Variants in ANK2 observed in about 807,000 individuals in gnomAD.
ANK2 encodes ankyrin 2.
Under a neutral mutation model 360.5 loss-of-function variants are expected in ANK2, and 83 were observed. The ratio of observed to expected loss-of-function variants is 0.23; its 90% CI spans 0.19 to 0.28. The LOEUF (loss-of-function observed/expected upper bound fraction) is 0.28, where lower values mean the gene tolerates loss of function less well. Among genes scored for constraint, ANK2 ranks in the 10% least tolerant of loss-of-function variants. ANK2 has a pLI of 1.00. For synonymous variants in ANK2, 1,740 were observed against 1,759.5 expected (o/e 0.99, Z 0.28); for missense variants, 4,201 against 4,795.7 (o/e 0.88, Z 3.66).
chr4:112,866,577 A>G (rs778814123), intron 1 of ANK2, among the ~76,000 whole-genome samples: 17 of 152,214 alleles, frequency 1.1e-4, no homozygotes, highest in Non-Finnish European at 1.8e-4. Context: ...CAAACCACAA[A>G]TAAGCAAAAT....
chr4:112,895,795 A>G (rs964610341), intron 1 of ANK2, among the ~76,000 whole-genome samples: 5 of 152,256 alleles, frequency 3.3e-5, no homozygotes, highest in Non-Finnish European at 7.3e-5. Flanking sequence ...CTGAGTATTT[A>G]TAAATTCCAA....
chr4:113,350,197 A>T (rs568397130), intron 36 of ANK2, 31 bp from the exon 37 acceptor site: 1 of 1,600,294 alleles, frequency 6.2e-7, no homozygotes, highest in African/African-American at 1.3e-5. Flanking sequence ...CAGTATTTGT[A>T]ACCATTCAAT....
In ANK2 at chr4:113,015,144, C is replaced by G. The variant is rs28414363; in HGVS notation, c.21+110630C>G. On this transcript the variant is annotated intron_variant, in intron 2 of 30. Transcript: ENST00000503271. ...AAGTGCTGGGATTACAGGCGTGAGCCACCGCGCCCGGCCAGAGCTTTTTAT... is the reference window on the plus strand; with the variant it reads ...AAGTGCTGGGATTACAGGCGTGAGCGACCGCGCCCGGCCAGAGCTTTTTAT... Among the ~76,000 whole-genome samples the G allele has an allele frequency of 9.1e-3, 1,392 of 152,250 alleles. 24 individuals carry two copies. Among genetic ancestry groups the G allele is most frequent in the African/African-American group, 0.032 (1,318 of 41,538 alleles).
chr4:113,166,588 A>G (rs1232720022), intron 1 of ANK2, among the ~76,000 whole-genome samples: 4 of 151,794 alleles, frequency 2.6e-5, no homozygotes, highest in Non-Finnish European at 5.9e-5. Flanking sequence ...TTTTGTTCCT[A>G]CTAGTTTTTG....
chr4:112,994,580 G>C (rs2047914178), intron 2 of ANK2, among the ~76,000 whole-genome samples: 1 of 152,170 alleles, frequency 6.6e-6, no homozygotes, highest in Non-Finnish European at 1.5e-5. Flanking sequence ...CTGTGGTATA[G>C]ACATCGGGCT....
At chr4:113,184,132 G>A (rs151257996) in intron 2 of ANK2, among the ~76,000 whole-genome samples, 1 of 150,772 alleles carries the variant, frequency 6.6e-6, no homozygotes, top group African/African-American at 2.4e-5. Flanking sequence ...AGAGCAAGAA[G>A]CTTAAAAGGG....
intron 20 of ANK2, among the ~76,000 whole-genome samples, chr4:113,292,178 T>C (rs565200588): frequency 6.6e-6 from 1 of 152,296 alleles, no homozygotes; most frequent in Admixed American, 6.5e-5. Context: ...GTAATAATAG[T>C]TATCATTTGG....
At chr4:113,178,017 T>C (rs951937076) in intron 2 of ANK2, among the ~76,000 whole-genome samples, 1 of 152,212 alleles carries the variant, frequency 6.6e-6, no homozygotes, top group Non-Finnish European at 1.5e-5. Context: ...CCAAGAATTA[T>C]ACAAATTAAA....
the ANK2 span, among the ~76,000 whole-genome samples, chr4:112,714,806 G>T: frequency 0.87 from 132,577 of 152,170 alleles, 58,024 homozygotes; most frequent in Middle Eastern, 0.95. Context: ...TTATAAAGGG[G>T]TATTATATGG....
intron 2 of ANK2, among the ~76,000 whole-genome samples, chr4:112,907,436 C>T (rs1401316614): frequency 6.6e-6 from 1 of 152,172 alleles, no homozygotes; most frequent in African/African-American, 2.4e-5. Flanking sequence ...GCAAAGAGAA[C>T]TATTCTGATT....
chr4:112,971,311 C>CA (rs1244549481), intron 2 of ANK2, among the ~76,000 whole-genome samples: 1 of 152,084 alleles, frequency 6.6e-6, no homozygotes, highest in African/African-American at 2.4e-5. Flanking sequence ...ATTTCTACTG[C>CA]AAAAAATCTA....
chr4:113,295,125 C>T (rs2070419738), intron 22 of ANK2, among the ~76,000 whole-genome samples: 3 of 152,118 alleles, frequency 2.0e-5, no homozygotes, highest in Admixed American at 6.5e-5. Context: ...TATCTTGTAC[C>T]TACTTTGCTT....
chr4:113,040,047 A>G (rs2062574069), intron 2 of ANK2, among the ~76,000 whole-genome samples: 1 of 152,046 alleles, frequency 6.6e-6, no homozygotes, highest in Non-Finnish European at 1.5e-5. Flanking sequence ...TATGTCTTTC[A>G]AGGACACGAC....
At chr4:112,726,397 ACATATTT>A in the ANK2 span, among the ~76,000 whole-genome samples, 1 of 152,152 alleles carries the variant, frequency 6.6e-6, no homozygotes, top group South Asian at 2.1e-4. Context: ...CTTACCTCAG[ACATATTT>A]TCACTCTCTG....
rs576767772 is a variant in ANK2 at position 112,834,357 on chromosome 4, T to C, written c.-40+16093T>C. 1.2e-3 allele frequency among the ~76,000 whole-genome samples: 177 copies of C among 152,330 alleles called. 2 individuals carry two copies. The highest frequency in any genetic ancestry group is 3.4e-3 in the Middle Eastern group (1 of 294). On this transcript the variant is annotated intron_variant, in intron 1 of 30. Transcript: ENST00000503271. ...GACGTTTGAGATTTACTTTAAAATA[T>C]ATCAGAAGAAAAAAGTATGCGTGGA...
At chr4:112,960,248 AACC>A (rs1375123854) in intron 2 of ANK2, among the ~76,000 whole-genome samples, 1 of 152,110 alleles carries the variant, frequency 6.6e-6, no homozygotes, top group Non-Finnish European at 1.5e-5. Flanking sequence ...TATTGTCCAC[AACC>A]TTCTTTTGGG....
chr4:113,292,570 T>G, intron 21 of ANK2, 56 bp downstream of exon 21: 1 of 1,489,346 alleles, frequency 6.7e-7, no homozygotes, highest in Non-Finnish European at 9.2e-7. Flanking sequence ...TCTCTTGCCC[T>G]GGTGGCTTCT....
intron 2 of ANK2, among the ~76,000 whole-genome samples, chr4:112,974,722 A>G (rs1289159024): frequency 6.6e-6 from 1 of 152,190 alleles, no homozygotes; most frequent in Non-Finnish European, 1.5e-5. Flanking sequence ...AGATTAACAA[A>G]TTGGTCTAAA....
At position 113,278,441 on chromosome 4, in the gene ANK2, T is replaced by A. The variant is rs1013598144; in HGVS notation, c.1783-19T>A. 1.9e-5 allele frequency: 30 copies of A among 1,612,176 alleles called. No homozygotes were observed. The highest frequency in any genetic ancestry group is 2.5e-5 in the Non-Finnish European group (29 of 1,178,434). ...AACCCTAATTTATTAATGCTGAAAC[T>A]TAAACACACCCTTTACAGAACGGCC... On this transcript the variant is annotated intron_variant, in intron 16 of 45. Coordinates refer to ENST00000357077, the MANE Select transcript of ANK2 (RefSeq NM_001148.6).
Sources: gnomAD v4.1 joint callset for allele counts (sites outside exome capture counted in the v4.1 genomes callset) on GRCh38, gnomAD v4.1.1 for gene constraint, MANE v1.5 for transcripts, NCBI Gene and HGNC (gene_info 2026-07-23, HGNC 2026-07-21) for gene names.